PPP2R2C: variants seen among roughly 807,000 people sequenced by gnomAD.
PPP2R2C encodes the protein protein phosphatase 2, regulatory subunit B, gamma.
In PPP2R2C, 10 loss-of-function variants were observed where a neutral mutation model predicts 45.3. The observed-to-expected ratio is 0.22, with a 90% CI of 0.14 to 0.37. PPP2R2C has a LOEUF of 0.37. Among genes scored for constraint, PPP2R2C ranks in the 10% least tolerant of loss-of-function variants. PPP2R2C has a pLI of 1.00. For missense variants in PPP2R2C, 308 were observed against 619.7 expected, an observed-to-expected ratio of 0.50 and a Z score of 5.34; for synonymous variants, 257 against 245.4, an observed-to-expected ratio of 1.05 and a Z score of -0.44.
chr4:6,376,065 C>G, intron 3 of PPP2R2C, 134 bp from the exon 4 acceptor site: 1 of 721,566 alleles, frequency 1.4e-6, no homozygotes, highest in African/African-American at 1.8e-5. Flanking sequence ...CGGCTTTGGA[C>G]CAGAACTGCA....
intron 1 of PPP2R2C, chr4:6,383,452 C>T: frequency 7.8e-7 from 1 of 1,286,310 alleles, no homozygotes; most frequent in Non-Finnish European, 1.0e-6. Flanking sequence ...TATTCCCCTC[C>T]AAACACCAGG....
At chr4:6,439,825 C>G (rs1720064860) in intron 1 of PPP2R2C, among the ~76,000 whole-genome samples, 1 of 152,228 alleles carries the variant, frequency 6.6e-6, no homozygotes, top group African/African-American at 2.4e-5. Flanking sequence ...GTCCACACTT[C>G]TGACCCAAAC....
At chr4:6,549,365 T>C (rs2108838520) in intron 1 of PPP2R2C, among the ~76,000 whole-genome samples, 1 of 152,112 alleles carries the variant, frequency 6.6e-6, no homozygotes, top group South Asian at 2.1e-4. Flanking sequence ...TGCACCTGGA[T>C]CCAGTGACAG....
At chr4:6,440,345 T>C (rs983172696) in intron 1 of PPP2R2C, among the ~76,000 whole-genome samples, 4 of 152,226 alleles carry the variant, frequency 2.6e-5, no homozygotes, top group Admixed American at 1.3e-4. Context: ...TGATCAGTTA[T>C]CTGTCTCAGC....
chr4:6,556,916 C>G (rs140081026), intron 1 of PPP2R2C, among the ~76,000 whole-genome samples: 11 of 152,304 alleles, frequency 7.2e-5, no homozygotes, highest in Non-Finnish European at 1.5e-4. Flanking sequence ...TCCACCTGCC[C>G]TCCCAGCTCC....
intron 5 of PPP2R2C, among the ~76,000 whole-genome samples, chr4:6,356,817 A>T (rs915451373): frequency 6.6e-5 from 10 of 151,710 alleles, no homozygotes; most frequent in East Asian, 2.0e-4. Flanking sequence ...ACTCTGCGTC[A>T]TCTGAGGCTC....
chr4:6,382,260 G>C (rs1475707047), intron 1 of PPP2R2C: 6 of 1,235,222 alleles, frequency 4.9e-6, no homozygotes, highest in Non-Finnish European at 6.2e-6. Flanking sequence ...GCTGTGAATG[G>C]GACCTCTGTC....
At chr4:6,353,397 C>CCCACACCGACAGCCCCT in intron 5 of PPP2R2C, among the ~76,000 whole-genome samples, 1 of 78,180 alleles carries the variant, frequency 1.3e-5, no homozygotes, top group South Asian at 5.7e-4. Flanking sequence ...TGACAGCCCC[C>CCCACACCGACAGCCCCT]CCACACCGAC....
intron 5 of PPP2R2C, among the ~76,000 whole-genome samples, chr4:6,358,247 A>G (rs923061232): frequency 6.6e-6 from 1 of 152,246 alleles, no homozygotes; most frequent in African/African-American, 2.4e-5. Flanking sequence ...AGGATTCCCT[A>G]TTTAATAAAT....
intron 2 of PPP2R2C, among the ~76,000 whole-genome samples, chr4:6,484,790 G>C (rs1408836644): frequency 6.6e-6 from 1 of 151,748 alleles, no homozygotes; most frequent in Non-Finnish European, 1.5e-5. Context: ...TTGCAAACTT[G>C]TTAAACTCAT....
intron 1 of PPP2R2C, among the ~76,000 whole-genome samples, chr4:6,432,426 C>A (rs961806022): frequency 6.6e-6 from 1 of 152,096 alleles, no homozygotes; most frequent in Non-Finnish European, 1.5e-5. Flanking sequence ...GTCCAAGGAC[C>A]GTCGGGACCC....
At chr4:6,526,368 G>A (rs1406633346) in intron 2 of PPP2R2C, among the ~76,000 whole-genome samples, 2 of 152,224 alleles carry the variant, frequency 1.3e-5, no homozygotes, top group Non-Finnish European at 2.9e-5. Flanking sequence ...AGCCCTTCAT[G>A]AGGAAGAAAG....
At chr4:6,501,216 C>T (rs958476855) in intron 2 of PPP2R2C, among the ~76,000 whole-genome samples, 1 of 152,170 alleles carries the variant, frequency 6.6e-6, no homozygotes, top group African/African-American at 2.4e-5. Context: ...CAGCTGCTGC[C>T]ATAAAATGTA....
chr4:6,555,528 C>T, intron 1 of PPP2R2C: 1 of 152,412 alleles, frequency 6.6e-6, no homozygotes, highest in Non-Finnish European at 1.5e-5. Flanking sequence ...CAGGACAAGG[C>T]CCCACCTGCT....
intron 1 of PPP2R2C, among the ~76,000 whole-genome samples, chr4:6,561,726 T>C (rs1577259901): frequency 6.6e-6 from 1 of 151,982 alleles, no homozygotes; most frequent in East Asian, 1.9e-4. Flanking sequence ...CATGGATACA[T>C]ACACACACTG....
chr4:6,405,770 A>G (rs1167934143), intron 1 of PPP2R2C, among the ~76,000 whole-genome samples: 4 of 152,160 alleles, frequency 2.6e-5, no homozygotes, highest in African/African-American at 7.2e-5. Flanking sequence ...CATCTTGATG[A>G]TCATATAAAA....
chr4:6,449,750 C>T lies in PPP2R2C; in HGVS notation c.70+22410G>A, dbSNP rs143562820. Among the ~76,000 whole-genome samples the T allele has an allele frequency of 3.9e-4, 60 of 152,362 alleles. No individual in the cohort carries two copies. In the East Asian group the frequency reaches 0.012, roughly 29 times the overall value. ...GTTCTGGAAAATGGGTTCCATCCCG[C>T]ACAAGGGCCTGCTCTGAATGGCCAG... On this transcript the variant is annotated intron_variant, in intron 1 of 8. Transcript: ENST00000382599.
rs1261350705 is a variant in PPP2R2C at position 6,471,997 on chromosome 4, G to C, written c.70+163C>G. On this transcript the variant is annotated intron_variant, in intron 1 of 8. Coordinates refer to ENST00000382599, the MANE Select transcript of PPP2R2C (RefSeq NM_020416.4). The surrounding 1 kb of genome is among the most constrained non-coding windows in gnomAD (Gnocchi z 5.6). Reference sequence around the variant, plus strand: ...CTCCCTCCCTCCTGGGCCCCGGGCAGGGTGGGATGGGATGGGGTGGGGTGG... The same window carrying C: ...CTCCCTCCCTCCTGGGCCCCGGGCACGGTGGGATGGGATGGGGTGGGGTGG... Among the ~76,000 whole-genome samples, 1 of 144,340 alleles carries C rather than the reference G, an allele frequency of 6.9e-6. No homozygotes were observed. Among genetic ancestry groups the C allele is most frequent in the Non-Finnish European group, 1.5e-5 (1 of 65,390 alleles). 94.7% of individuals were successfully genotyped at this position (144,340 alleles called of 152,430 possible).
At chr4:6,481,701 C>T (rs941091155) in intron 2 of PPP2R2C, among the ~76,000 whole-genome samples, 1 of 151,764 alleles carries the variant, frequency 6.6e-6, no homozygotes, top group African/African-American at 2.4e-5. Context: ...TGTTGGGGCC[C>T]GGCATGGTAA....
Sources: gnomAD v4.1 joint callset for allele counts (sites outside exome capture counted in the v4.1 genomes callset) on GRCh38, gnomAD v4.1.1 for gene constraint, Gnocchi (gnomAD v3.1) non-coding constraint, MANE v1.5 for transcripts, NCBI Gene and HGNC (gene_info 2026-07-23, HGNC 2026-07-21) for gene names.